The following GRM8 variants were observed in gnomAD, a reference collection of about 807,000 sequenced individuals.
The protein encoded by GRM8 is metabotropic glutamate receptor 8.
Under a neutral mutation model 87.2 loss-of-function variants are expected in GRM8, and 47 were observed. That is an observed-to-expected ratio of 0.54 (90% CI 0.43 to 0.69). The LOEUF (loss-of-function observed/expected upper bound fraction) is 0.69, where lower values mean the gene tolerates loss of function less well. Among genes scored for constraint, GRM8 ranks in the 30% least tolerant of loss-of-function variants. GRM8 has a pLI of 0.00. For missense variants in GRM8, 1,019 were observed against 1,139.2 expected (o/e 0.89, Z 1.52); for synonymous variants, 396 against 404.5 (o/e 0.98, Z 0.25).
rs1471999355 is a variant in GRM8 at position 127,166,189 on chromosome 7, C to T, written c.511-59477G>A. Among the ~76,000 whole-genome samples the T allele has an allele frequency of 2.0e-5, 3 of 152,132 alleles. No individual in the cohort carries two copies. The East Asian group carries it at 5.8e-4, about 29-fold the overall frequency. ...ATACAGGATACTTTAATCCTGAGAT[C>T]CTGGACTTTTCCCACTGTGAAGCAA... is the stretch of plus-strand genomic sequence containing the variant. On this transcript the variant is annotated intron_variant, in intron 2 of 10. Transcript: ENST00000339582.
At chr7:127,086,022 C>G (rs1416986075) in intron 3 of GRM8, among the ~76,000 whole-genome samples, 6 of 152,118 alleles carry the variant, frequency 3.9e-5, no homozygotes, top group African/African-American at 1.4e-4. Flanking sequence ...AGCGGGCCCT[C>G]TGGATCATAA....
intron 6 of GRM8, among the ~76,000 whole-genome samples, chr7:126,884,977 G>A (rs2131026001): frequency 6.6e-6 from 1 of 152,270 alleles, no homozygotes; most frequent in South Asian, 2.1e-4. Context: ...AACAGCTGAA[G>A]GAAGTATTTG....
chr7:126,835,835 C>T (rs1488460005), intron 6 of GRM8, among the ~76,000 whole-genome samples: 3 of 152,174 alleles, frequency 2.0e-5, no homozygotes, highest in Non-Finnish European at 2.9e-5. Flanking sequence ...AAGCAAACAA[C>T]TTCAAAGTGA....
At chr7:126,701,963 A>T (rs1809981911) in intron 7 of GRM8, 1 of 322,276 alleles carries the variant, frequency 3.1e-6, no homozygotes, top group South Asian at 2.8e-5. Context: ...TCTTTCTCCG[A>T]AGTGTCCCTA....
intron 9 of GRM8, among the ~76,000 whole-genome samples, chr7:126,467,102 A>G (rs1804586701): frequency 6.6e-6 from 1 of 151,928 alleles, no homozygotes; most frequent in African/African-American, 2.4e-5. Context: ...CCATCAACCC[A>G]TCATCTACAT....
intron 7 of GRM8, among the ~76,000 whole-genome samples, chr7:126,698,282 G>C (rs1042219370): frequency 6.6e-6 from 1 of 151,948 alleles, no homozygotes; most frequent in African/African-American, 2.4e-5. Context: ...CTTGTTCTTT[G>C]TTATAATTTT....
At chr7:126,487,378 T>C (rs1807493006) in intron 9 of GRM8, among the ~76,000 whole-genome samples, 1 of 151,942 alleles carries the variant, frequency 6.6e-6, no homozygotes, top group Non-Finnish European at 1.5e-5. Context: ...CGGTCCCTGT[T>C]CTCAACCTCC....
At chr7:126,607,027 G>C (rs909274798) in intron 8 of GRM8, among the ~76,000 whole-genome samples, 2 of 152,156 alleles carry the variant, frequency 1.3e-5, no homozygotes, top group Non-Finnish European at 2.9e-5. Context: ...TAGGCAGTCC[G>C]ACATTAATAA....
At chr7:126,765,020 G>T (rs1818040876) in intron 7 of GRM8, among the ~76,000 whole-genome samples, 1 of 152,046 alleles carries the variant, frequency 6.6e-6, no homozygotes, top group South Asian at 2.1e-4. Flanking sequence ...AACCAAGTTT[G>T]TACTACTTCC....
chr7:126,462,759 A>G (rs1468691826), intron 9 of GRM8, among the ~76,000 whole-genome samples: 2 of 151,598 alleles, frequency 1.3e-5, no homozygotes, highest in South Asian at 2.1e-4. Flanking sequence ...GTCGTGGAGG[A>G]AATATTGAGT....
chr7:126,995,445 T>G (rs1813087122), intron 3 of GRM8, among the ~76,000 whole-genome samples: 1 of 152,114 alleles, frequency 6.6e-6, no homozygotes. Context: ...TCGAGGAAAC[T>G]CAAAGAAATT....
intron 2 of GRM8, among the ~76,000 whole-genome samples, chr7:127,110,850 A>G (rs570928553): frequency 6.6e-6 from 1 of 152,118 alleles, no homozygotes; most frequent in Admixed American, 6.5e-5. Context: ...TTCTACGTTT[A>G]TTGGGCAAAA....
chr7:127,105,161 A>G (rs1825692574), intron 3 of GRM8: 2 of 152,196 alleles, frequency 1.3e-5, no homozygotes. Context: ...TCTAAGGATA[A>G]ACTTTAGATT....
Position 127,201,782 on chromosome 7 carries a change from A to C in GRM8, c.510+40913T>G, listed in dbSNP as rs575973960. Among the ~76,000 whole-genome samples the C allele has an allele frequency of 2.6e-5, 4 of 152,336 alleles. No homozygotes were observed. The South Asian group carries it at 8.3e-4, about 32-fold the overall frequency. Reference sequence around the variant, plus strand: ...AGTACCAATAGGGTGAAGTCAAAAAATGACTCCACCATTCTGTGGATGGCC... The same window carrying C: ...AGTACCAATAGGGTGAAGTCAAAAACTGACTCCACCATTCTGTGGATGGCC... On this transcript the variant is annotated intron_variant, in intron 2 of 10. Transcript: ENST00000339582.
chr7:126,871,255 G>A (rs984316116), intron 6 of GRM8, among the ~76,000 whole-genome samples: 2 of 152,056 alleles, frequency 1.3e-5, no homozygotes, highest in Non-Finnish European at 2.9e-5. Context: ...TGCCAAGCTG[G>A]TCACATTTTG....
chr7:126,475,699 A>G (rs1805816710), intron 9 of GRM8, among the ~76,000 whole-genome samples: 1 of 152,200 alleles, frequency 6.6e-6, no homozygotes, highest in Non-Finnish European at 1.5e-5. Context: ...AAGACATCAG[A>G]CTGCCTGATT....
intron 9 of GRM8, among the ~76,000 whole-genome samples, 153 bp downstream of exon 9, chr7:126,532,799 A>G (rs1170130566): frequency 5.2e-5 from 3 of 57,766 alleles, no homozygotes; most frequent in Non-Finnish European, 1.2e-4. Context: ...ATATATATAT[A>G]TATATATATA....
At chr7:126,975,905 C>G (rs17867058) in intron 3 of GRM8, among the ~76,000 whole-genome samples, 2 of 152,134 alleles carry the variant, frequency 1.3e-5, no homozygotes, top group African/African-American at 4.8e-5. Flanking sequence ...CTCATGACCA[C>G]CCAGTCCTCT....
chr7:126,558,483 C>T (rs1440484437), intron 8 of GRM8, among the ~76,000 whole-genome samples: 2 of 152,076 alleles, frequency 1.3e-5, no homozygotes, highest in Non-Finnish European at 2.9e-5. Flanking sequence ...TATGCTGTTT[C>T]CAGGACCTTC....
Sources: gnomAD v4.1 joint callset for allele counts (sites outside exome capture counted in the v4.1 genomes callset) on GRCh38, gnomAD v4.1.1 for gene constraint, MANE v1.5 for transcripts, NCBI Gene and HGNC (gene_info 2026-07-23, HGNC 2026-07-21) for gene names.